ERBB4: variants seen among roughly 807,000 people sequenced by gnomAD.
ERBB4 encodes the protein receptor tyrosine-protein kinase erbB-4.
Under a neutral mutation model 158.0 loss-of-function variants are expected in ERBB4, and 42 were observed. The ratio of observed to expected loss-of-function variants is 0.27; its 90% CI spans 0.21 to 0.34. The LOEUF is 0.34. Among genes scored for constraint, ERBB4 ranks in the 10% least tolerant of loss-of-function variants. ERBB4 has a pLI of 1.00. For synonymous variants in ERBB4, 583 were observed against 558.7 expected (o/e 1.04, Z -0.61); for missense variants, 1,333 against 1,624.1 (o/e 0.82, Z 3.08).
At chr2:211,705,137 A>G (rs1172519238) in intron 10 of ERBB4, among the ~76,000 whole-genome samples, 181 bp downstream of exon 10, 2 of 151,982 alleles carry the variant, frequency 1.3e-5, no homozygotes, top group Non-Finnish European at 2.9e-5. Flanking sequence ...TTGTATTTTT[A>G]GTAGAGACAG....
intron 13 of ERBB4, among the ~76,000 whole-genome samples, chr2:211,678,813 A>C (rs1226452876): frequency 6.6e-6 from 1 of 151,878 alleles, no homozygotes; most frequent in Non-Finnish European, 1.5e-5. Flanking sequence ...AAAAAATACA[A>C]AAAATTAGCC....
intron 3 of ERBB4, among the ~76,000 whole-genome samples, chr2:211,915,943 T>C (rs891527400): frequency 1.3e-5 from 2 of 151,868 alleles, no homozygotes. Context: ...TCTTTGAAGG[T>C]TTTTAAATCA....
Position 212,224,416 on chromosome 2 carries a change from T to G in ERBB4, c.83-99513A>C, listed in dbSNP as rs73062414. On this transcript the variant is annotated intron_variant, in intron 1 of 27. Transcript: ENST00000342788. ...ATGAAAAAAGCTATATTATATTTAT[T>G]TAGGGTGGGGAGTGAAGATAATGAA... Among the ~76,000 whole-genome samples the G allele has an allele frequency of 5.2e-3, 791 of 152,038 alleles. 8 individuals are homozygous for G. The highest frequency in any genetic ancestry group is 0.018 in the African/African-American group (752 of 41,522).
chr2:211,719,174 C>T (rs1423783619), intron 7 of ERBB4, among the ~76,000 whole-genome samples: 1 of 152,172 alleles, frequency 6.6e-6, no homozygotes, highest in Admixed American at 6.5e-5. Flanking sequence ...CTGTAGATAA[C>T]TTTTTGTGCA....
At chr2:211,708,052 A>C (rs1192107170) in intron 9 of ERBB4, among the ~76,000 whole-genome samples, 1 of 152,054 alleles carries the variant, frequency 6.6e-6, no homozygotes, top group Non-Finnish European at 1.5e-5. Flanking sequence ...TTCTGCTTAT[A>C]ATACTCTGTA....
chr2:211,740,443 A>T (rs2074749511), intron 5 of ERBB4, among the ~76,000 whole-genome samples: 1 of 151,888 alleles, frequency 6.6e-6, no homozygotes, highest in Non-Finnish European at 1.5e-5. Context: ...AAATCTTTAC[A>T]TGTCTGATAT....
intron 3 of ERBB4, among the ~76,000 whole-genome samples, chr2:211,840,849 G>A (rs1212822171): frequency 1.3e-5 from 2 of 152,084 alleles, no homozygotes; most frequent in African/African-American, 4.8e-5. Context: ...AACAAATACA[G>A]TATTTGTTCT....
chr2:212,421,142 T>G (rs141321548), intron 1 of ERBB4, among the ~76,000 whole-genome samples: 31 of 152,266 alleles, frequency 2.0e-4, no homozygotes, highest in Admixed American at 3.9e-4. Flanking sequence ...ATGATATATT[T>G]CAAAGAATTT....
intron 3 of ERBB4, among the ~76,000 whole-genome samples, chr2:211,855,846 G>T (rs1311798692): frequency 6.6e-6 from 1 of 152,112 alleles, no homozygotes; most frequent in Non-Finnish European, 1.5e-5. Flanking sequence ...GAAATAAAGG[G>T]TGTAAAGATT....
rs1397302134 is a variant in ERBB4 at position 211,472,212 on chromosome 2, A to G, written c.2488-41112T>C. Among the ~76,000 whole-genome samples the G allele has an allele frequency of 2.6e-5, 4 of 151,894 alleles. No homozygotes were observed. In the East Asian group the frequency reaches 7.7e-4, roughly 29 times the overall value. On this transcript the variant is annotated intron_variant, in intron 20 of 27. Coordinates refer to ENST00000342788, the MANE Select transcript of ERBB4 (RefSeq NM_005235.3). ...TCTAAACTAAGGAATGTTAAGAGGGAAGGAAAATACTGGTTATAAAGATAT... is the reference window on the plus strand; with the variant it reads ...TCTAAACTAAGGAATGTTAAGAGGGGAGGAAAATACTGGTTATAAAGATAT...
intron 2 of ERBB4, among the ~76,000 whole-genome samples, chr2:212,034,294 C>T (rs1379720627): frequency 6.6e-6 from 1 of 151,788 alleles, no homozygotes; most frequent in Non-Finnish European, 1.5e-5. Context: ...ACAATTAGTT[C>T]TACTTTTGAC....
Position 211,852,506 on chromosome 2 carries a change from A to T in ERBB4, c.422-64347T>A, listed in dbSNP as rs142034529. Among the ~76,000 whole-genome samples, 360 of 152,016 alleles carry T rather than the reference A, an allele frequency of 2.4e-3. 8 individuals are homozygous for T. Among genetic ancestry groups the T allele is most frequent in the East Asian group, 6.0e-3 (31 of 5,174 alleles). ...CATCAATTGGTTCTTGGAAACTGTGACTTTTAAGTGAAATGACATACAGCA... is the reference window on the plus strand; with the variant it reads ...CATCAATTGGTTCTTGGAAACTGTGTCTTTTAAGTGAAATGACATACAGCA... On this transcript the variant is annotated intron_variant, in intron 3 of 27. Transcript: ENST00000342788.
chr2:211,956,295 CT>C (rs2081029597), intron 2 of ERBB4, among the ~76,000 whole-genome samples: 1 of 152,006 alleles, frequency 6.6e-6, no homozygotes, highest in African/African-American at 2.4e-5. Context: ...TTGAATTAAA[CT>C]TTGTTTAGAT....
rs143814475 is a variant in ERBB4, at chr2:211,581,105, G to A, written c.2302-19017C>T. ...CATAAGGAAGACACAATGGACTTTG[G>A]GGACTCAGGGGGAAAGGGTGGGGAG... On this transcript the variant is annotated intron_variant, in intron 19 of 27. Coordinates refer to ENST00000342788, the MANE Select transcript of ERBB4 (RefSeq NM_005235.3). Among the ~76,000 whole-genome samples, 768 of 150,480 alleles carry A rather than the reference G, an allele frequency of 5.1e-3. 7 individuals are homozygous for A. The highest frequency in any genetic ancestry group is 0.018 in the African/African-American group (729 of 41,000).
At chr2:211,407,485 T>C (rs917769444) in intron 25 of ERBB4, among the ~76,000 whole-genome samples, 10 of 152,326 alleles carry the variant, frequency 6.6e-5, no homozygotes, top group African/African-American at 2.2e-4. Context: ...TTGTCTATGA[T>C]TATTGTTGGA....
At chr2:211,990,998 TA>T (rs1020010242) in intron 2 of ERBB4, among the ~76,000 whole-genome samples, 14 of 151,926 alleles carry the variant, frequency 9.2e-5, no homozygotes, top group African/African-American at 3.1e-4. Flanking sequence ...AATTTTTAAA[TA>T]GTTTTAAAAA....
At chr2:212,009,803 CT>C (rs990791520) in intron 2 of ERBB4, among the ~76,000 whole-genome samples, 4 of 152,136 alleles carry the variant, frequency 2.6e-5, no homozygotes, top group Non-Finnish European at 4.4e-5. Context: ...ACCCCCATCT[CT>C]TTGACAACCT....
At chr2:211,963,359 A>C (rs888898813) in intron 2 of ERBB4, among the ~76,000 whole-genome samples, 1 of 152,154 alleles carries the variant, frequency 6.6e-6, no homozygotes, top group Non-Finnish European at 1.5e-5. Flanking sequence ...TTGACTTATT[A>C]ATTTGAGGCA....
At chr2:211,898,191 T>G (rs1355916349) in intron 3 of ERBB4, among the ~76,000 whole-genome samples, 1 of 152,122 alleles carries the variant, frequency 6.6e-6, no homozygotes, top group Non-Finnish European at 1.5e-5. Context: ...TATTTTCCAT[T>G]AGACTAAATA....
Sources: gnomAD v4.1 joint callset for allele counts (sites outside exome capture counted in the v4.1 genomes callset) on GRCh38, gnomAD v4.1.1 for gene constraint, MANE v1.5 for transcripts, NCBI Gene and HGNC (gene_info 2026-07-23, HGNC 2026-07-21) for gene names.